The following PTN variants were observed in gnomAD, a reference collection of about 807,000 sequenced individuals.
The protein encoded by PTN is pleiotrophin, also known as heparin affin regulatory protein.
A neutral mutation model predicts 24.1 loss-of-function variants in PTN; 18 were observed. That is an observed-to-expected ratio of 0.75 (90% CI 0.52 to 1.11). The LOEUF (loss-of-function observed/expected upper bound fraction) is 1.11. PTN is among the 50% of genes least tolerant of loss of function. PTN has a pLI of 0.00. For synonymous variants in PTN, 78 were observed against 68.6 expected (o/e 1.14, Z -0.67); for missense variants, 163 against 198.8 (o/e 0.82, Z 1.08).
At chr7:137,295,806 T>G (rs561565418) in intron 1 of PTN, among the ~76,000 whole-genome samples, 1 of 152,046 alleles carries the variant, frequency 6.6e-6, no homozygotes, top group African/African-American at 2.4e-5. Context: ...CCAGTGCCAA[T>G]AAGTATGTTA....
At chr7:137,313,191 T>C (rs1810012806) in intron 1 of PTN, among the ~76,000 whole-genome samples, 1 of 152,066 alleles carries the variant, frequency 6.6e-6, no homozygotes, top group Non-Finnish European at 1.5e-5. Context: ...TCCAAATATA[T>C]ATCGTGTCTC....
intron 4 of PTN, among the ~76,000 whole-genome samples, chr7:137,236,847 C>T (rs936258508): frequency 1.3e-5 from 2 of 151,950 alleles, no homozygotes; most frequent in Admixed American, 6.6e-5. Flanking sequence ...TCATTATTTT[C>T]TATGATCATA....
intron 1 of PTN, among the ~76,000 whole-genome samples, chr7:137,287,368 G>C (rs1457919672): frequency 6.6e-6 from 1 of 152,088 alleles, no homozygotes; most frequent in African/African-American, 2.4e-5. Flanking sequence ...TGTATTTAAA[G>C]CTTGTCGGCT....
At chr7:137,304,407 G>T (rs1809854110) in intron 1 of PTN, among the ~76,000 whole-genome samples, 1 of 151,798 alleles carries the variant, frequency 6.6e-6, no homozygotes, top group Non-Finnish European at 1.5e-5. Flanking sequence ...AATGGGAGCA[G>T]GCAAAGTCTA....
intron 1 of PTN, among the ~76,000 whole-genome samples, chr7:137,320,840 C>T (rs1159016223): frequency 6.6e-6 from 1 of 152,178 alleles, no homozygotes; most frequent in Non-Finnish European, 1.5e-5. Context: ...CATTGTCAAC[C>T]TGCCCTACAG....
intron 1 of PTN, among the ~76,000 whole-genome samples, chr7:137,316,269 C>G (rs1810070558): frequency 6.6e-6 from 1 of 152,116 alleles, no homozygotes; most frequent in African/African-American, 2.4e-5. Context: ...TTCTGAGGAC[C>G]CTGAACTCAA....
rs1809035534 is a variant in PTN, at chr7:137,261,409, AT to A, written c.-1-6436del. Among the ~76,000 whole-genome samples, 4 of 152,208 alleles carry A rather than the reference AT, an allele frequency of 2.6e-5. No individual in the cohort carries two copies. The South Asian group carries it at 8.3e-4, about 31-fold the overall frequency. ...TTAGTCTCATGGTAATAATATAAAT[AT>A]TAAACCCACCAATTATGAATTTTAA... On this transcript the variant is annotated intron_variant, in intron 1 of 4. Coordinates refer to ENST00000348225, the MANE Select transcript of PTN (RefSeq NM_002825.7).
chr7:137,244,357 T>A (rs1808685281), intron 4 of PTN, among the ~76,000 whole-genome samples: 1 of 150,590 alleles, frequency 6.6e-6, no homozygotes, highest in Non-Finnish European at 1.5e-5. Flanking sequence ...AGTGGATAGC[T>A]AAAAGGTCTC....
chr7:137,261,177 T>A (rs377430205), intron 1 of PTN, among the ~76,000 whole-genome samples: 6 of 152,258 alleles, frequency 3.9e-5, no homozygotes, highest in African/African-American at 1.4e-4. Flanking sequence ...GCTCTAATTG[T>A]CCCATCTTTG....
intron 1 of PTN, among the ~76,000 whole-genome samples, chr7:137,311,722 A>G (rs1471990889): frequency 6.6e-6 from 1 of 152,212 alleles, no homozygotes; most frequent in East Asian, 1.9e-4. Context: ...ACATTTATCT[A>G]TTTTAAGTTC....
At chr7:137,278,710 G>T (rs1436943719) in intron 1 of PTN, among the ~76,000 whole-genome samples, 1 of 152,030 alleles carries the variant, frequency 6.6e-6, no homozygotes, top group South Asian at 2.1e-4. Context: ...GGAGGCCAAA[G>T]CAGGTGGATC....
chr7:137,282,141 T>C (rs914031873), intron 1 of PTN, among the ~76,000 whole-genome samples: 1 of 152,220 alleles, frequency 6.6e-6, no homozygotes, highest in African/African-American at 2.4e-5. Flanking sequence ...GAATAGAAAA[T>C]ATCAGTGATT....
chr7:137,304,631 C>T (rs1292388425), intron 1 of PTN, among the ~76,000 whole-genome samples: 1 of 151,926 alleles, frequency 6.6e-6, no homozygotes, highest in Non-Finnish European at 1.5e-5. Flanking sequence ...GCTGCAAGTT[C>T]TCAAAAATAA....
At chr7:137,245,744 G>C (rs1006820817) in intron 4 of PTN, among the ~76,000 whole-genome samples, 2 of 152,158 alleles carry the variant, frequency 1.3e-5, no homozygotes, top group Non-Finnish European at 2.9e-5. Flanking sequence ...TGTGGAGGTG[G>C]AAGACAGTGA....
chr7:137,324,433 A>AAATATATATATATAT, intron 1 of PTN, among the ~76,000 whole-genome samples: 4 of 88,800 alleles, frequency 4.5e-5, no homozygotes, highest in Admixed American at 3.0e-4. Context: ...AAAAAAAAAA[A>AAATATATATATATAT]ATATATATAT....
intron 1 of PTN, among the ~76,000 whole-genome samples, chr7:137,336,003 T>C (rs892843165): frequency 3.3e-5 from 5 of 151,850 alleles, no homozygotes; most frequent in African/African-American, 1.2e-4. Context: ...CTCCTCACTT[T>C]GTGAGTCAAA....
chr7:137,338,812 G>T lies in PTN; in HGVS notation c.-2+4627C>A, dbSNP rs1810488310. Among the ~76,000 whole-genome samples the T allele has an allele frequency of 3.9e-5, 6 of 152,254 alleles. No individual in the cohort carries two copies. In the South Asian group the frequency reaches 1.2e-3, roughly 32 times the overall value. ...CCTCCAAATAGAATTGTGCCTGAAT[G>T]ATTTCCTTCAGTATTCATTGAAAAA... is the stretch of plus-strand genomic sequence containing the variant. On this transcript the variant is annotated intron_variant, in intron 1 of 4. Coordinates refer to ENST00000348225, the MANE Select transcript of PTN (RefSeq NM_002825.7).
chr7:137,333,706 G>C (rs1386184320), intron 1 of PTN, among the ~76,000 whole-genome samples: 1 of 152,076 alleles, frequency 6.6e-6, no homozygotes, highest in Non-Finnish European at 1.5e-5. Context: ...AAGTTCATAT[G>C]GAACCAAAAA....
chr7:137,340,613 C>T (rs1810518637), intron 1 of PTN, among the ~76,000 whole-genome samples: 1 of 152,240 alleles, frequency 6.6e-6, no homozygotes, highest in African/African-American at 2.4e-5. Flanking sequence ...TCGCCTCCCA[C>T]AGCAGTGACA....
Sources: gnomAD v4.1 joint callset for allele counts (sites outside exome capture counted in the v4.1 genomes callset) on GRCh38, gnomAD v4.1.1 for gene constraint, MANE v1.5 for transcripts, NCBI Gene and HGNC (gene_info 2026-07-23, HGNC 2026-07-21) for gene names.